GPR137B: variants seen among roughly 807,000 people sequenced by gnomAD.
The protein encoded by GPR137B is G protein-coupled receptor 137B, also known as integral membrane protein GPR137B.
GPR137B carries 42 observed loss-of-function variants against 42.5 expected under a neutral mutation model. The ratio of observed to expected loss-of-function variants is 0.99; its 90% CI spans 0.77 to 1.28. The LOEUF (loss-of-function observed/expected upper bound fraction) is 1.28. Among genes scored for constraint, GPR137B ranks in the 50% most tolerant of loss-of-function variants. The probability of loss-of-function intolerance (pLI) is 0.00; values close to 1 mark genes in which losing one functional copy is unlikely to be tolerated. For missense variants in GPR137B, 487 were observed against 493.9 expected, an observed-to-expected ratio of 0.99 and a Z score of 0.13; for synonymous variants, 218 against 209.7, an observed-to-expected ratio of 1.04 and a Z score of -0.34.
intron 1 of GPR137B, among the ~76,000 whole-genome samples, chr1:236,165,085 A>G (rs1018822880): frequency 6.6e-6 from 1 of 152,100 alleles, no homozygotes; most frequent in Non-Finnish European, 1.5e-5. Context: ...TTATAGTTTT[A>G]GAGGAGACAG....
chr1:236,163,479 T>C (rs898825836), intron 1 of GPR137B, among the ~76,000 whole-genome samples: 5 of 152,142 alleles, frequency 3.3e-5, no homozygotes, highest in African/African-American at 9.7e-5. Context: ...TGGAATGATA[T>C]GGTTTGGCTG....
chr1:236,160,869 ACTGCT>A (rs1558481850), intron 1 of GPR137B, among the ~76,000 whole-genome samples: 1 of 149,182 alleles, frequency 6.7e-6, no homozygotes, highest in Admixed American at 6.7e-5. Flanking sequence ...CACTGAGGGG[ACTGCT>A]CTTTGACCTC....
chr1:236,168,602 C>T (rs1662433550), intron 1 of GPR137B, 104 bp from the exon 2 acceptor site: 10 of 831,572 alleles, frequency 1.2e-5, no homozygotes, highest in Non-Finnish European at 1.9e-5. Flanking sequence ...AAAAACGTGC[C>T]CAGCGCTGGG....
At chr1:236,206,065 C>G (rs1663651602) in intron 6 of GPR137B, among the ~76,000 whole-genome samples, 2 of 152,120 alleles carry the variant, frequency 1.3e-5, no homozygotes, top group Admixed American at 6.5e-5. Context: ...GATGTCAGTT[C>G]TTAATTTAAA....
chr1:236,170,271 C>T (rs1483041995), intron 2 of GPR137B, among the ~76,000 whole-genome samples: 2 of 151,972 alleles, frequency 1.3e-5, no homozygotes, highest in African/African-American at 4.8e-5. Flanking sequence ...TATGTTAAAT[C>T]GTATACATAT....
chr1:236,206,895 G>C lies in GPR137B; in HGVS notation c.1092-1155G>C, dbSNP rs1663678867. ...TGCCTGCCAAGCCTGTCTTCTCTCT[G>C]CTTGTCCTCTCAGGACCCCCATCCT... On this transcript the variant is annotated intron_variant, in intron 6 of 6. Coordinates refer to ENST00000366592, the MANE Select transcript of GPR137B (RefSeq NM_003272.4). 7.9e-5 allele frequency among the ~76,000 whole-genome samples: 12 copies of C among 152,280 alleles called. No individual in the cohort carries two copies. In the South Asian group the frequency reaches 2.1e-3, roughly 26 times the overall value.
At chr1:236,199,000 C>G (rs1663420241) in intron 5 of GPR137B, among the ~76,000 whole-genome samples, 1 of 152,100 alleles carries the variant, frequency 6.6e-6, no homozygotes, top group African/African-American at 2.4e-5. Flanking sequence ...ATGCTTTCAA[C>G]TTTTCCTGAT....
intron 5 of GPR137B, among the ~76,000 whole-genome samples, chr1:236,199,634 T>C (rs1572008446): frequency 6.6e-6 from 1 of 150,612 alleles, no homozygotes; most frequent in East Asian, 1.9e-4. Context: ...ATTTTGATTT[T>C]CTAGTTTCTG....
Position 236,155,376 on chromosome 1 carries a change from G to A in GPR137B, c.414+12340G>A, listed in dbSNP as rs1337834690. ...TAGAAAGGTCGATGGAGCTAACCAGGAACCAACAAAGTAGGTTCCTGAGGG... is the reference window on the plus strand; with the variant it reads ...TAGAAAGGTCGATGGAGCTAACCAGAAACCAACAAAGTAGGTTCCTGAGGG... On this transcript the variant is annotated intron_variant, in intron 1 of 6. Coordinates refer to ENST00000366592, the MANE Select transcript of GPR137B (RefSeq NM_003272.4). The surrounding 1 kb of genome is among the most constrained non-coding windows in gnomAD (Gnocchi z 4.6). Among the ~76,000 whole-genome samples the A allele has an allele frequency of 6.6e-6, 1 of 152,182 alleles. No homozygotes were observed. Among genetic ancestry groups the A allele is most frequent in the East Asian group, 1.9e-4 (1 of 5,192 alleles).
intron 5 of GPR137B, among the ~76,000 whole-genome samples, chr1:236,196,062 G>C (rs57463750): frequency 6.6e-6 from 1 of 152,024 alleles, no homozygotes; most frequent in Non-Finnish European, 1.5e-5. Flanking sequence ...CTGTGCAAAA[G>C]CTTTTAACTT....
At chr1:236,178,165 G>C (rs1386125892) in intron 2 of GPR137B, among the ~76,000 whole-genome samples, 2 of 152,184 alleles carry the variant, frequency 1.3e-5, no homozygotes, top group African/African-American at 2.4e-5. Flanking sequence ...CAGCCAACGA[G>C]TGTGAGCTCT....
chr1:236,204,757 C>T (rs948564066), intron 5 of GPR137B, among the ~76,000 whole-genome samples: 36 of 152,002 alleles, frequency 2.4e-4, no homozygotes, highest in African/African-American at 7.5e-4. Flanking sequence ...TTGGTCTGTT[C>T]GGGTTTTAGT....
At chr1:236,178,098 C>T (rs1662741293) in intron 2 of GPR137B, among the ~76,000 whole-genome samples, 1 of 152,112 alleles carries the variant, frequency 6.6e-6, no homozygotes, top group Admixed American at 6.5e-5. Context: ...AACGCCATCC[C>T]GAGCTGTGCT....
chr1:236,187,604 T>C (rs1042382803), intron 5 of GPR137B, among the ~76,000 whole-genome samples: 2 of 152,156 alleles, frequency 1.3e-5, no homozygotes, highest in Non-Finnish European at 2.9e-5. Context: ...CCCCATTGCT[T>C]GTTTGTGTCA....
intron 5 of GPR137B, among the ~76,000 whole-genome samples, chr1:236,198,988 G>A (rs112877365): frequency 0.013 from 2,042 of 152,232 alleles, 49 homozygotes; most frequent in African/African-American, 0.045. Flanking sequence ...TTCTCAGGTG[G>A]AATGCTTTCA....
At chr1:236,173,019 G>C (rs1387110830) in intron 2 of GPR137B, among the ~76,000 whole-genome samples, 1 of 151,442 alleles carries the variant, frequency 6.6e-6, no homozygotes, top group Non-Finnish European at 1.5e-5. Context: ...AAGTGAAAAA[G>C]CAGCGGCTCA....
At position 236,195,195 on chromosome 1, in the gene GPR137B, T is replaced by C. The variant is rs1663297608; in HGVS notation, c.967-9931T>C. Among the ~76,000 whole-genome samples, 3 of 151,882 alleles carry C rather than the reference T, an allele frequency of 2.0e-5. No homozygotes were observed. In the South Asian group the frequency reaches 6.2e-4, roughly 32 times the overall value. ...CCACCCTGTTGTTAGTGCTATCAAA[T>C]AGTAAGTCTTATTCATTCACTAAAA... On this transcript the variant is annotated intron_variant, in intron 5 of 6. Coordinates refer to ENST00000366592, the MANE Select transcript of GPR137B (RefSeq NM_003272.4).
intron 5 of GPR137B, among the ~76,000 whole-genome samples, chr1:236,189,300 G>C (rs866643537): frequency 6.6e-6 from 1 of 151,934 alleles, no homozygotes; most frequent in Non-Finnish European, 1.5e-5. Flanking sequence ...TTTTTTGAAG[G>C]GTTTTTCGTG....
rs549916483 is a variant in GPR137B at position 236,155,205 on chromosome 1, A to G, written c.414+12169A>G. On this transcript the variant is annotated intron_variant, in intron 1 of 6. Transcript: ENST00000366592. This position sits in a 1 kb window ranked among gnomAD's most constrained non-coding sequence, Gnocchi z 4.6. ...TGGCTGAAGCGGCCGGGCCGCAGCTATTCCTGCGGGGCTTCCAGGGCGGAG... is the reference window on the plus strand; with the variant it reads ...TGGCTGAAGCGGCCGGGCCGCAGCTGTTCCTGCGGGGCTTCCAGGGCGGAG... Among the ~76,000 whole-genome samples, 1 of 152,342 alleles carries G rather than the reference A, an allele frequency of 6.6e-6. No homozygotes were observed. The highest frequency in any genetic ancestry group is 1.9e-4 in the East Asian group (1 of 5,182).
Sources: gnomAD v4.1 joint callset for allele counts (sites outside exome capture counted in the v4.1 genomes callset) on GRCh38, gnomAD v4.1.1 for gene constraint, Gnocchi (gnomAD v3.1) non-coding constraint, MANE v1.5 for transcripts, NCBI Gene and HGNC (gene_info 2026-07-23, HGNC 2026-07-21) for gene names.